Variants in HERC4 observed in about 807,000 individuals in gnomAD.
The protein encoded by HERC4 is HECT and RLD domain containing E3 ubiquitin protein ligase 4.
A neutral mutation model predicts 124.3 loss-of-function variants in HERC4; 28 were observed. That is an observed-to-expected ratio of 0.23 (90% CI 0.17 to 0.31). The LOEUF (loss-of-function observed/expected upper bound fraction) is 0.31. HERC4 is among the 10% of genes least tolerant of loss of function. The probability of loss-of-function intolerance (pLI) is 1.00; values close to 1 mark genes in which losing one functional copy is unlikely to be tolerated. For synonymous variants in HERC4, 407 were observed against 421.5 expected (o/e 0.97, Z 0.42); for missense variants, 713 against 1,229.3 (o/e 0.58, Z 6.28).
chr10:67,964,641 T>C (rs955091431), intron 16 of HERC4, among the ~76,000 whole-genome samples: 1 of 152,234 alleles, frequency 6.6e-6, no homozygotes, highest in Non-Finnish European at 1.5e-5. Flanking sequence ...TTCCCCTGTT[T>C]ATCATTAACA....
At position 67,966,776 on chromosome 10, in the gene HERC4, T is replaced by A; in HGVS notation, c.1833A>T (p.Ile611=). Residue 611 remains isoleucine (I), a synonymous_variant, in exon 16 of 25, where the codon ATA becomes ATT. Transcript: ENST00000373700. ...HRVNEKMGQI[I]QYDKFYIHEV... ...CATGTATATAAAATTTATCATACTG[T>A]ATAATCTGTCCCATTTTCTCATTTA... 1 of 1,566,928 alleles carries A rather than the reference T, an allele frequency of 6.4e-7. No individual in the cohort carries two copies. The highest frequency in any genetic ancestry group is 1.2e-5 in the South Asian group (1 of 84,502).
intron 22 of HERC4, among the ~76,000 whole-genome samples, chr10:67,933,111 T>C (rs1483504668): frequency 1.3e-5 from 2 of 152,194 alleles, no homozygotes; most frequent in South Asian, 2.1e-4. Flanking sequence ...AATTTATATA[T>C]ATCATGTCAC....
At chr10:68,066,691 T>C (rs1267969709) in intron 3 of HERC4, among the ~76,000 whole-genome samples, 1 of 152,198 alleles carries the variant, frequency 6.6e-6, no homozygotes, top group Non-Finnish European at 1.5e-5. Flanking sequence ...AGTCAGTTAC[T>C]ATGGACCTTG....
intron 3 of HERC4, among the ~76,000 whole-genome samples, chr10:68,052,631 C>T (rs568375222): frequency 6.6e-6 from 1 of 152,146 alleles, no homozygotes; most frequent in South Asian, 2.1e-4. Context: ...GAATGAGTAA[C>T]TGGGTAAAAA....
intron 19 of HERC4, among the ~76,000 whole-genome samples, chr10:67,943,166 G>A (rs2033057091): frequency 6.6e-6 from 1 of 152,174 alleles, no homozygotes; most frequent in African/African-American, 2.4e-5. Context: ...ATGCATAAAT[G>A]TAACAGTTTT....
At chr10:67,995,977 C>T (rs1052817202) in intron 9 of HERC4, 5 of 296,388 alleles carry the variant, frequency 1.7e-5, no homozygotes, top group Non-Finnish European at 2.7e-5. Flanking sequence ...GTAATACATA[C>T]TTTTGCCACT....
At chr10:67,928,714 A>T (rs892961193) in intron 23 of HERC4, among the ~76,000 whole-genome samples, 2 of 152,132 alleles carry the variant, frequency 1.3e-5, no homozygotes, top group Non-Finnish European at 2.9e-5. Context: ...TGAGGTCAGG[A>T]GTTCAAGACC....
At chr10:67,964,522 T>A (rs2034729607) in intron 16 of HERC4, among the ~76,000 whole-genome samples, 1 of 152,154 alleles carries the variant, frequency 6.6e-6, no homozygotes, top group Admixed American at 6.5e-5. Context: ...CATCATTTCC[T>A]CTCCCCTAAT....
chr10:68,044,676 C>A, intron 3 of HERC4, 113 bp from the exon 4 acceptor site: 1 of 930,498 alleles, frequency 1.1e-6, no homozygotes, highest in South Asian at 1.6e-5. Context: ...TCATTTTATA[C>A]AAACAAGCTA....
chr10:68,003,735 A>G (rs2037377126), intron 9 of HERC4, among the ~76,000 whole-genome samples: 1 of 152,128 alleles, frequency 6.6e-6, no homozygotes, highest in African/African-American at 2.4e-5. Context: ...GTATATATAC[A>G]CCACATTTTC....
At chr10:68,050,768 T>C (rs1435768557) in intron 3 of HERC4, among the ~76,000 whole-genome samples, 1 of 152,158 alleles carries the variant, frequency 6.6e-6, no homozygotes, top group Non-Finnish European at 1.5e-5. Context: ...TGTTGAGACA[T>C]TTTACATCCA....
At chr10:67,925,573 A>G (rs145922405) in intron 23 of HERC4, among the ~76,000 whole-genome samples, 3,958 of 152,302 alleles carry the variant, frequency 0.026, 69 homozygotes, top group Non-Finnish European at 0.04. Context: ...CCTTTTAAAA[A>G]TATGGTACTA....
chr10:68,035,917 T>G (rs2039439065), intron 5 of HERC4, among the ~76,000 whole-genome samples: 1 of 152,222 alleles, frequency 6.6e-6, no homozygotes, highest in Non-Finnish European at 1.5e-5. Context: ...TATCATAGTA[T>G]GTAATTATAT....
intron 1 of HERC4, 164 bp downstream of exon 1, chr10:68,074,980 C>G (rs1307246455): frequency 6.6e-6 from 1 of 152,468 alleles, no homozygotes; most frequent in East Asian, 1.9e-4. Context: ...CCCAAGGTGA[C>G]GGGGGGCGGC....
chr10:67,996,608 T>C (rs2036897970), intron 9 of HERC4, among the ~76,000 whole-genome samples: 1 of 152,078 alleles, frequency 6.6e-6, no homozygotes, highest in Admixed American at 6.6e-5. Context: ...TTGAGAAACT[T>C]AAAAAATAGT....
chr10:68,059,711 C>CATA lies in HERC4; in HGVS notation c.226+13169_226+13171dup, dbSNP rs1178946819. Among the ~76,000 whole-genome samples the CATA allele has an allele frequency of 1.9e-4, 8 of 42,464 alleles. 1 individual carries two copies. The highest frequency in any genetic ancestry group is 1.2e-3 in the African/African-American group (4 of 3,282). 27.9% of individuals were successfully genotyped at this position (42,464 alleles called of 152,430 possible). On this transcript the variant is annotated intron_variant, in intron 3 of 24. Coordinates refer to ENST00000373700, the MANE Select transcript of HERC4 (RefSeq NM_015601.4). ...TATTATATATTATAATATTATATATCATAATATTATATATTATATATCATA... is the reference window on the plus strand; with the variant it reads ...TATTATATATTATAATATTATATATCATAATAATATTATATATTATATATCATA...
intron 15 of HERC4, among the ~76,000 whole-genome samples, chr10:67,983,616 A>G (rs191354126): frequency 1.3e-5 from 2 of 152,026 alleles, no homozygotes; most frequent in African/African-American, 4.8e-5. Context: ...CGTCTCTACT[A>G]AAAATACAAA....
chr10:67,945,903 TAGGA>T (rs374161271), intron 19 of HERC4, among the ~76,000 whole-genome samples: 2,044 of 147,776 alleles, frequency 0.014, 18 homozygotes, highest in Non-Finnish European at 0.023. Context: ...AGGAATGGAA[TAGGA>T]AGGAAGGAAG....
chr10:68,026,756 T>C (rs2038921812), intron 7 of HERC4, among the ~76,000 whole-genome samples: 1 of 151,930 alleles, frequency 6.6e-6, no homozygotes, highest in Non-Finnish European at 1.5e-5. Context: ...GGCAGGAGAA[T>C]TGCCTGAACC....
Sources: allele counts gnomAD v4.1 joint callset (sites outside exome capture counted in the v4.1 genomes callset), GRCh38; gene constraint gnomAD v4.1.1; transcripts MANE v1.5; gene names NCBI Gene and HGNC (gene_info 2026-07-23, HGNC 2026-07-21).